Variants in SLCO1C1 observed in about 807,000 individuals in gnomAD.
SLCO1C1 encodes the protein OAT-RP-5.
A neutral mutation model predicts 76.4 loss-of-function variants in SLCO1C1; 70 were observed. The observed-to-expected ratio is 0.92, with a 90% CI of 0.76 to 1.12. The LOEUF (loss-of-function observed/expected upper bound fraction) is 1.12, where lower values mean the gene tolerates loss of function less well. Among genes scored for constraint, SLCO1C1 ranks in the 50% most tolerant of loss-of-function variants. The pLI, the probability that SLCO1C1 is intolerant of heterozygous loss-of-function variation, is 0.00. For missense variants in SLCO1C1, 912 were observed against 823.8 expected (o/e 1.11, Z -1.31); for synonymous variants, 306 against 286.1 (o/e 1.07, Z -0.70).
Position 20,699,583 on chromosome 12 carries a change from A to T in SLCO1C1, c.7A>T (p.Thr3Ser). 1 of 1,610,718 alleles carries T rather than the reference A, an allele frequency of 6.2e-7. No homozygotes were observed. The change falls in exon 2 of 15, where the codon ACT (threonine) becomes TCT (serine). Residue 3 changes from threonine to serine, a missense_variant. By Grantham distance (58) the Thr-to-Ser change is moderately conservative. Transcript: ENST00000266509. ...GTCAAGGAATGTGTTTATAATGGAC[A>T]CTTCATCCAAAGAAAATATCCAGTT... MD[T>S]SSKENIQLFC...
At chr12:20,750,548 A>T in intron 13 of SLCO1C1, 127 bp from the exon 14 acceptor site, 1 of 796,056 alleles carries the variant, frequency 1.3e-6, no homozygotes, top group Non-Finnish European at 2.1e-6. Flanking sequence ...GGGAGATTTC[A>T]GCATGTAATT....
chr12:20,727,345 G>A (rs570650400), intron 9 of SLCO1C1, among the ~76,000 whole-genome samples: 22 of 151,984 alleles, frequency 1.4e-4, no homozygotes, highest in Admixed American at 5.9e-4. Context: ...CCTTTTCTCC[G>A]CAGCCTCACC....
In SLCO1C1 at chr12:20,735,751, A is replaced by G. The variant is rs141780717; in HGVS notation, c.1383-1356A>G. Among the ~76,000 whole-genome samples, 908 of 152,316 alleles carry G rather than the reference A, an allele frequency of 6.0e-3. 5 individuals carry two copies. Among genetic ancestry groups the G allele is most frequent in the Non-Finnish European group, 9.7e-3 (663 of 68,032 alleles). On this transcript the variant is annotated intron_variant, in intron 10 of 14. Coordinates refer to ENST00000266509, the MANE Select transcript of SLCO1C1 (RefSeq NM_017435.5). ...TGATTAAGAAATTATGGTTGCCATC[A>G]TTAATGACAATACTTCTCAGAGGCA...
At chr12:20,739,501 GC>G (rs1948703856) in intron 11 of SLCO1C1, among the ~76,000 whole-genome samples, 1 of 151,796 alleles carries the variant, frequency 6.6e-6, no homozygotes, top group Non-Finnish European at 1.5e-5. Flanking sequence ...GAGAAGAGCT[GC>G]CCGGGCAGAG....
At chr12:20,723,369 ATGAGCTC>A in intron 9 of SLCO1C1, 115 bp downstream of exon 9, 1 of 1,256,356 alleles carries the variant, frequency 8.0e-7, no homozygotes, top group South Asian at 1.5e-5. Context: ...GACATTTTAG[ATGAGCTC>A]AAAAAGTAAC....
chr12:20,728,005 G>T (rs184534486), intron 9 of SLCO1C1, among the ~76,000 whole-genome samples: 1 of 152,126 alleles, frequency 6.6e-6, no homozygotes, highest in African/African-American at 2.4e-5. Context: ...CTCTTGCTGC[G>T]CAGAAGCTCT....
intron 6 of SLCO1C1, among the ~76,000 whole-genome samples, chr12:20,715,588 T>C (rs1351154741): frequency 1.3e-5 from 2 of 152,218 alleles, no homozygotes; most frequent in Non-Finnish European, 2.9e-5. Flanking sequence ...AGGTTCTTTT[T>C]AGTGGGTTAA....
intron 7 of SLCO1C1, among the ~76,000 whole-genome samples, 163 bp from the exon 8 acceptor site, chr12:20,721,641 G>T (rs1041344622): frequency 6.7e-6 from 1 of 150,082 alleles, no homozygotes; most frequent in African/African-American, 2.5e-5. Context: ...AAATCTCCAA[G>T]GTATGCCTGT....
At chr12:20,752,250 T>C in intron 14 of SLCO1C1, 56 bp from the exon 15 acceptor site, 1 of 1,206,052 alleles carries the variant, frequency 8.3e-7, no homozygotes, top group South Asian at 1.8e-5. Context: ...ACCTTTTAAA[T>C]TTTCTTTCAA....
At chr12:20,729,410 G>T (rs1271167823) in intron 9 of SLCO1C1, among the ~76,000 whole-genome samples, 1 of 152,130 alleles carries the variant, frequency 6.6e-6, no homozygotes, top group Admixed American at 6.5e-5. Context: ...GGAAACCACT[G>T]AAAGAACATG....
chr12:20,751,893 T>C (rs1949323892), intron 14 of SLCO1C1, among the ~76,000 whole-genome samples: 3 of 152,122 alleles, frequency 2.0e-5, no homozygotes, highest in Admixed American at 6.6e-5. Context: ...TCCAAAGAAA[T>C]GAAGTTGGGA....
In SLCO1C1 at chr12:20,752,890, T is replaced by A. The variant is rs1007684746; in HGVS notation, c.*362T>A. 1 of 155,820 alleles carries A rather than the reference T, an allele frequency of 6.4e-6. No homozygotes were observed. The highest frequency in any genetic ancestry group is 2.4e-5 in the African/African-American group (1 of 41,556). The allele number at this position is 155,820 out of a possible 1,614,324, so 9.7% of individuals were successfully genotyped here. A position where few individuals can be genotyped will look rare whatever the true frequency, so the allele number is the denominator to read the frequency against. On this transcript the variant is annotated 3_prime_UTR_variant, in exon 15 of 15. Transcript: ENST00000266509. The stretch of plus-strand genomic sequence containing the variant: ...TAATTTCTGAACTGTGTAATGTGTC[T>A]AGAGTAAGCAAATACTGCTAACAAT...
intron 7 of SLCO1C1, among the ~76,000 whole-genome samples, chr12:20,719,622 A>C (rs1947553426): frequency 6.6e-6 from 1 of 152,202 alleles, no homozygotes; most frequent in African/African-American, 2.4e-5. Flanking sequence ...GAGAAGATTA[A>C]ACCAGCCACA....
chr12:20,704,428 G>A (rs573551190), intron 3 of SLCO1C1, among the ~76,000 whole-genome samples: 88 of 151,738 alleles, frequency 5.8e-4, no homozygotes, highest in African/African-American at 1.9e-3. Flanking sequence ...ATGTTGGTTC[G>A]TTTATTGTGG....
chr12:20,747,539 C>A (rs1406185462), intron 13 of SLCO1C1, among the ~76,000 whole-genome samples: 2 of 152,100 alleles, frequency 1.3e-5, no homozygotes, highest in Non-Finnish European at 2.9e-5. Flanking sequence ...ATTCTGTCTG[C>A]TTTTGTGAAT....
At chr12:20,750,160 C>T (rs4293173) in intron 13 of SLCO1C1, among the ~76,000 whole-genome samples, 69,541 of 151,982 alleles carry the variant, frequency 0.46, 17,776 homozygotes, top group South Asian at 0.63. Context: ...GTATGATGTA[C>T]AGATTTGAGA....
intron 4 of SLCO1C1, among the ~76,000 whole-genome samples, chr12:20,709,604 G>A (rs200265623): frequency 6.4e-5 from 1 of 15,618 alleles, no homozygotes; most frequent in Non-Finnish European, 2.0e-4. Flanking sequence ...AAAACAGGCC[G>A]GGCGCGGTGG....
chr12:20,745,591 G>A (rs190123384), intron 13 of SLCO1C1, among the ~76,000 whole-genome samples: 27 of 152,148 alleles, frequency 1.8e-4, no homozygotes, highest in African/African-American at 4.3e-4. Context: ...TTGAGAGGCC[G>A]AGGCAGGTGG....
chr12:20,718,391 T>G (rs893859778), intron 7 of SLCO1C1, among the ~76,000 whole-genome samples: 1 of 152,160 alleles, frequency 6.6e-6, no homozygotes, highest in Non-Finnish European at 1.5e-5. Context: ...ACCCACTTGG[T>G]TTGATTCAAA....
Sources: allele counts gnomAD v4.1 joint callset (sites outside exome capture counted in the v4.1 genomes callset), GRCh38; gene constraint gnomAD v4.1.1; transcripts MANE v1.5; gene names NCBI Gene and HGNC (gene_info 2026-07-23, HGNC 2026-07-21).